The following PTPRK variants were observed in gnomAD, a reference collection of about 807,000 sequenced individuals.
PTPRK encodes the protein protein tyrosine phosphatase receptor type K, also known as receptor-type tyrosine-protein phosphatase kappa.
A neutral mutation model predicts 178.0 loss-of-function variants in PTPRK; 75 were observed. That is an observed-to-expected ratio of 0.42 (90% CI 0.35 to 0.51). PTPRK has a LOEUF of 0.51. Among genes scored for constraint, PTPRK ranks in the 20% least tolerant of loss-of-function variants. The probability of loss-of-function intolerance (pLI) is 0.02; values close to 1 mark genes in which losing one functional copy is unlikely to be tolerated. For missense variants in PTPRK, 1,441 were observed against 1,797.8 expected (o/e 0.80, Z 3.59); for synonymous variants, 637 against 620.6 (o/e 1.03, Z -0.39).
intron 2 of PTPRK, among the ~76,000 whole-genome samples, chr6:128,382,733 C>T (rs1407504810): frequency 6.6e-6 from 1 of 152,100 alleles, no homozygotes. Flanking sequence ...AGCCACCACA[C>T]CCAGCCAAAA....
At chr6:128,075,913 G>T (rs565883421) in intron 11 of PTPRK, among the ~76,000 whole-genome samples, 2 of 151,922 alleles carry the variant, frequency 1.3e-5, no homozygotes, top group African/African-American at 4.8e-5. Flanking sequence ...AATTAGGGAA[G>T]GACAGAACCC....
intron 2 of PTPRK, among the ~76,000 whole-genome samples, chr6:128,336,138 T>C (rs542879953): frequency 6.6e-6 from 1 of 152,144 alleles, no homozygotes; most frequent in East Asian, 1.9e-4. Context: ...ACATTCCTTT[T>C]AAACATAACC....
chr6:128,362,187 A>T (rs1341923801), intron 2 of PTPRK, among the ~76,000 whole-genome samples: 1 of 152,184 alleles, frequency 6.6e-6, no homozygotes, highest in African/African-American at 2.4e-5. Context: ...GCTTTTACTC[A>T]TGGCAGAAAA....
chr6:128,114,291 A>C (rs1362352791), intron 7 of PTPRK, among the ~76,000 whole-genome samples: 1 of 151,992 alleles, frequency 6.6e-6, no homozygotes, highest in Non-Finnish European at 1.5e-5. Context: ...CAGGAGAGAG[A>C]GAGCAAGTGA....
At chr6:128,046,151 G>A (rs917338693) in intron 13 of PTPRK, among the ~76,000 whole-genome samples, 1 of 152,122 alleles carries the variant, frequency 6.6e-6, no homozygotes, top group African/African-American at 2.4e-5. Context: ...GCTTCGCTTA[G>A]ATATGCTTTC....
chr6:128,117,414 C>T (rs866431610), intron 7 of PTPRK, among the ~76,000 whole-genome samples: 38 of 152,038 alleles, frequency 2.5e-4, no homozygotes, highest in African/African-American at 8.5e-4. Flanking sequence ...GTAATGCTTC[C>T]GCAAGGAGTA....
At chr6:127,971,109 T>C (rs1000562349) in intron 29 of PTPRK, among the ~76,000 whole-genome samples, 1 of 152,190 alleles carries the variant, frequency 6.6e-6, no homozygotes, top group African/African-American at 2.4e-5. Context: ...TACCTGAAAA[T>C]GTATTTCTGC....
At chr6:128,303,844 C>T (rs2128313298) in intron 3 of PTPRK, among the ~76,000 whole-genome samples, 1 of 152,204 alleles carries the variant, frequency 6.6e-6, no homozygotes, top group Admixed American at 6.5e-5. Flanking sequence ...ATAATGATTG[C>T]AGTTCCAAGG....
intron 13 of PTPRK, among the ~76,000 whole-genome samples, chr6:128,023,821 T>G (rs137979563): frequency 2.4e-4 from 36 of 149,528 alleles, no homozygotes; most frequent in African/African-American, 8.4e-4. Flanking sequence ...GCCTGGCTAA[T>G]GTTTTCTTTC....
chr6:128,342,997 G>T (rs760200591), intron 2 of PTPRK, among the ~76,000 whole-genome samples: 6 of 152,080 alleles, frequency 3.9e-5, no homozygotes, highest in Non-Finnish European at 7.4e-5. Flanking sequence ...TTTGGGTGGG[G>T]TGGGTAGAGA....
chr6:128,379,049 C>T (rs1837500713), intron 2 of PTPRK, among the ~76,000 whole-genome samples: 1 of 152,024 alleles, frequency 6.6e-6, no homozygotes, highest in Non-Finnish European at 1.5e-5. Context: ...TAATATAGTA[C>T]CTGATTATTT....
At chr6:128,016,846 C>T (rs572599792) in intron 13 of PTPRK, among the ~76,000 whole-genome samples, 2 of 131,922 alleles carry the variant, frequency 1.5e-5, no homozygotes, top group African/African-American at 5.7e-5. Context: ...TTGAATTGAT[C>T]CAATGATCTA....
intron 1 of PTPRK, among the ~76,000 whole-genome samples, chr6:128,405,555 A>G (rs569727123): frequency 5.9e-5 from 9 of 152,312 alleles, no homozygotes; most frequent in African/African-American, 2.2e-4. Flanking sequence ...AAAATTCTCA[A>G]CTGAAGCCAT....
At chr6:128,439,893 C>T (rs1233214661) in intron 1 of PTPRK, among the ~76,000 whole-genome samples, 1 of 152,138 alleles carries the variant, frequency 6.6e-6, no homozygotes, top group Non-Finnish European at 1.5e-5. Flanking sequence ...GAAGAGTAGA[C>T]AAGAAAGAAG....
At chr6:128,207,874 G>C (rs1807259072) in intron 6 of PTPRK, among the ~76,000 whole-genome samples, 1 of 151,914 alleles carries the variant, frequency 6.6e-6, no homozygotes, top group Non-Finnish European at 1.5e-5. Flanking sequence ...ACAGTGGTTG[G>C]TGTCCCATAA....
chr6:128,400,108 T>G (rs995971860), intron 1 of PTPRK, among the ~76,000 whole-genome samples: 1 of 152,102 alleles, frequency 6.6e-6, no homozygotes, highest in Admixed American at 6.6e-5. Context: ...ATAACTGGAC[T>G]GATAAATGAG....
At chr6:128,195,486 A>C (rs1332913288) in intron 6 of PTPRK, among the ~76,000 whole-genome samples, 1 of 150,612 alleles carries the variant, frequency 6.6e-6, no homozygotes, top group Non-Finnish European at 1.5e-5. Context: ...AAAATGCAAA[A>C]CTTTATTTAC....
chr6:128,401,755 A>G (rs190727088), intron 1 of PTPRK, among the ~76,000 whole-genome samples: 4 of 152,348 alleles, frequency 2.6e-5, no homozygotes, highest in Admixed American at 1.3e-4. Context: ...AGCTGAAGAT[A>G]TGAAGCATTT....
chr6:128,143,448 A>C (rs1276294580), intron 7 of PTPRK, among the ~76,000 whole-genome samples: 2 of 152,190 alleles, frequency 1.3e-5, no homozygotes, highest in Non-Finnish European at 1.5e-5. Flanking sequence ...TACTATAATA[A>C]TACTACTGTG....
Sources: allele counts gnomAD v4.1 joint callset (sites outside exome capture counted in the v4.1 genomes callset), GRCh38; gene constraint gnomAD v4.1.1; transcripts MANE v1.5; gene names NCBI Gene and HGNC (gene_info 2026-07-23, HGNC 2026-07-21).